MTPN: variants seen among roughly 807,000 people sequenced by gnomAD.
MTPN encodes the protein myotrophin, also known as granule cell differentiation protein.
In MTPN, 2 loss-of-function variants were observed where a neutral mutation model predicts 13.5. That is an observed-to-expected ratio of 0.15 (90% CI 0.06 to 0.47). The LOEUF (loss-of-function observed/expected upper bound fraction) is 0.47. Ranked by LOEUF, MTPN falls within the 20% of genes least tolerant of loss-of-function variation. The pLI, the probability that MTPN is intolerant of heterozygous loss-of-function variation, is 0.97. For synonymous variants in MTPN, 46 were observed against 51.7 expected, an observed-to-expected ratio of 0.89 and a Z score of 0.48; for missense variants, 79 against 137.9, an observed-to-expected ratio of 0.57 and a Z score of 2.14.
intron 1 of MTPN, among the ~76,000 whole-genome samples, chr7:135,957,671 T>C (rs959985106): frequency 6.6e-6 from 1 of 152,154 alleles, no homozygotes; most frequent in Admixed American, 6.5e-5. Flanking sequence ...GATCCCAATA[T>C]TAGAGGTGCG....
At chr7:135,941,071 G>T (rs985977059) in intron 3 of MTPN, among the ~76,000 whole-genome samples, 2 of 152,086 alleles carry the variant, frequency 1.3e-5, no homozygotes, top group African/African-American at 4.8e-5. Flanking sequence ...TTACTACCTG[G>T]CCCTTAACAG....
At chr7:135,954,785 C>T (rs1799417526) in intron 1 of MTPN, among the ~76,000 whole-genome samples, 1 of 152,066 alleles carries the variant, frequency 6.6e-6, no homozygotes, top group Non-Finnish European at 1.5e-5. Flanking sequence ...AACTAAAAAA[C>T]ACAACAAATT....
chr7:135,972,213 GCACACGCGCACGCGCGCGCACACACA>G (rs1436070018), intron 1 of MTPN, among the ~76,000 whole-genome samples: 83 of 86,490 alleles, frequency 9.6e-4, no homozygotes, highest in Admixed American at 1.7e-3. Flanking sequence ...ATACACACGC[GCACACGCGCACGCGCGCGCACACACA>G]CACACACACA....
At chr7:135,933,712 G>GTAACAGCC (rs1324054460) in intron 3 of MTPN, among the ~76,000 whole-genome samples, 3 of 152,168 alleles carry the variant, frequency 2.0e-5, no homozygotes, top group Non-Finnish European at 4.4e-5. Flanking sequence ...AACACTTACA[G>GTAACAGCC]TAACAGCCTG....
intron 3 of MTPN, among the ~76,000 whole-genome samples, chr7:135,938,981 T>A (rs759636116): frequency 6.6e-6 from 1 of 152,216 alleles, no homozygotes. Flanking sequence ...AAAGGCTTTT[T>A]TTCCCCCCAC....
intron 1 of MTPN, among the ~76,000 whole-genome samples, chr7:135,971,808 G>T (rs777315202): frequency 2.0e-5 from 3 of 151,982 alleles, no homozygotes; most frequent in Non-Finnish European, 4.4e-5. Flanking sequence ...CAATAATTTA[G>T]TTATTTTTGT....
chr7:135,951,690 T>A (rs1799365762), intron 1 of MTPN, 60 bp from the exon 2 acceptor site: 1 of 1,045,764 alleles, frequency 9.6e-7, no homozygotes, highest in Middle Eastern at 2.2e-4. Context: ...AGAAGTGAAA[T>A]GAGGCACCTG....
At chr7:135,966,497 T>C (rs6467619) in intron 1 of MTPN, among the ~76,000 whole-genome samples, 149,717 of 152,170 alleles carry the variant, frequency 0.98, 73,695 homozygotes, top group East Asian at 1. Flanking sequence ...ATTCAAAATT[T>C]GAAGTACAGT....
At chr7:135,950,825 T>A in intron 2 of MTPN, 143 bp from the exon 3 acceptor site, 2 of 683,664 alleles carry the variant, frequency 2.9e-6, no homozygotes, top group Non-Finnish European at 5.0e-6. Context: ...GTCAAGTGTC[T>A]AGTCTCTTAA....
At chr7:135,938,432 T>C (rs1180991364) in intron 3 of MTPN, among the ~76,000 whole-genome samples, 2 of 152,232 alleles carry the variant, frequency 1.3e-5, no homozygotes. Flanking sequence ...AAGACTGCAG[T>C]TGAGGATTAA....
chr7:135,961,839 C>A (rs919513027), intron 1 of MTPN, among the ~76,000 whole-genome samples: 11 of 151,840 alleles, frequency 7.2e-5, no homozygotes, highest in African/African-American at 2.7e-4. Context: ...GAAGAGTAAT[C>A]TTGGTACATG....
At chr7:135,934,906 GCT>G (rs1799090607) in intron 3 of MTPN, among the ~76,000 whole-genome samples, 1 of 152,036 alleles carries the variant, frequency 6.6e-6, no homozygotes, top group Admixed American at 6.5e-5. Context: ...TGCTCAACGT[GCT>G]CTTCCTAATC....
chr7:135,976,925 C>G, intron 1 of MTPN, 104 bp downstream of exon 1: 2 of 598,394 alleles, frequency 3.3e-6, no homozygotes, highest in Non-Finnish European at 6.4e-6. Context: ...GGAAGTCTCT[C>G]CTCCCGCCCA....
chr7:135,936,006 T>C (rs1324602393), intron 3 of MTPN, among the ~76,000 whole-genome samples: 2 of 152,164 alleles, frequency 1.3e-5, no homozygotes, highest in African/African-American at 2.4e-5. Flanking sequence ...GCCCTCTTCT[T>C]CCTTCGGGTC....
intron 3 of MTPN, among the ~76,000 whole-genome samples, chr7:135,935,151 T>C (rs1329416368): frequency 6.6e-6 from 1 of 152,210 alleles, no homozygotes; most frequent in African/African-American, 2.4e-5. Flanking sequence ...CTTCAGACCA[T>C]ACTATTAAGA....
In MTPN at chr7:135,935,596, T is replaced by C. The variant is rs187830793; in HGVS notation, c.271-5584A>G. 3.3e-5 allele frequency among the ~76,000 whole-genome samples: 5 copies of C among 152,326 alleles called. No homozygotes were observed. The East Asian group carries it at 9.6e-4, about 29-fold the overall frequency. On this transcript the variant is annotated intron_variant, in intron 3 of 3. Transcript: ENST00000393085. ...ACATGTTTGGGTGTTCTTTCTCAAA[T>C]GCCAGTCTGATCATACTGTTCATAT... is the stretch of plus-strand genomic sequence containing the variant.
chr7:135,962,725 G>T (rs751279880), intron 1 of MTPN, among the ~76,000 whole-genome samples: 10 of 151,986 alleles, frequency 6.6e-5, no homozygotes, highest in Admixed American at 2.6e-4. Context: ...TCCACAGTGT[G>T]GCTTGGTGGG....
At chr7:135,937,407 T>G (rs1799132824) in intron 3 of MTPN, among the ~76,000 whole-genome samples, 1 of 145,456 alleles carries the variant, frequency 6.9e-6, no homozygotes, top group African/African-American at 2.6e-5. Context: ...ACACAAAACC[T>G]CTCTCTCTCT....
Position 135,927,492 on chromosome 7 carries a change from G to A in MTPN, c.*2434C>T. ...TGCAAAATTTTTTCTGAGATGTTAA[G>A]TATTACTTCAGTGGAGAACAAAACT... On this transcript the variant is annotated 3_prime_UTR_variant, in exon 4 of 4. Coordinates refer to ENST00000393085, the MANE Select transcript of MTPN (RefSeq NM_145808.4). The A allele has an allele frequency of 7.4e-7, 1 of 1,352,702 alleles. No homozygotes were observed. Among genetic ancestry groups the A allele is most frequent in the Non-Finnish European group, 1.0e-6 (1 of 982,752 alleles). The allele number at this position is 1,352,702 out of a possible 1,614,324, so 83.8% of individuals were successfully genotyped here.
Sources: gnomAD v4.1 joint callset for allele counts (sites outside exome capture counted in the v4.1 genomes callset) on GRCh38, gnomAD v4.1.1 for gene constraint, MANE v1.5 for transcripts, NCBI Gene and HGNC (gene_info 2026-07-23, HGNC 2026-07-21) for gene names.